PATJ: variants seen among roughly 807,000 people sequenced by gnomAD.
The protein encoded by PATJ is inaD-like protein.
Under a neutral mutation model 224.9 loss-of-function variants are expected in PATJ, and 190 were observed. That is an observed-to-expected ratio of 0.84 (90% confidence interval 0.75 to 0.95). PATJ has a LOEUF of 0.95. Ranked by LOEUF, PATJ falls within the 40% of genes least tolerant of loss-of-function variation. The pLI, the probability that PATJ is intolerant of heterozygous loss-of-function variation, is 0.00. For synonymous variants in PATJ, 769 were observed against 820.3 expected, an observed-to-expected ratio of 0.94 and a Z score of 1.07; for missense variants, 2,121 against 2,270.3, an observed-to-expected ratio of 0.93 and a Z score of 1.34.
intron 27 of PATJ, among the ~76,000 whole-genome samples, chr1:61,929,863 A>G (rs1675765772): frequency 1.3e-5 from 2 of 152,134 alleles, no homozygotes; most frequent in African/African-American, 4.8e-5. Flanking sequence ...CTTAAAAAAA[A>G]GAAAAGAAAT....
At chr1:61,791,564 T>C (rs552262069) in intron 9 of PATJ, 117 bp downstream of exon 9, 9 of 594,954 alleles carry the variant, frequency 1.5e-5, no homozygotes, top group African/African-American at 1.5e-4. Context: ...AAACCATGAG[T>C]CTATACTAGC....
chr1:62,150,978 A>G (rs1315323775), intron 42 of PATJ, among the ~76,000 whole-genome samples: 1 of 152,008 alleles, frequency 6.6e-6, no homozygotes, highest in Non-Finnish European at 1.5e-5. Flanking sequence ...CATCTCTACT[A>G]AAAATACAAA....
In PATJ at chr1:61,801,658, T is replaced by C. The variant is rs1424229506; in HGVS notation, c.1438T>C (p.Phe480Leu). ...AGAACCACTGAAACCACCAGCTCTC[T>C]TTCTAACTGGAGCAGTGGAAACTGA... is the stretch of plus-strand genomic sequence containing the variant. ...VVEPLKPPAL[F>L]LTGAVETETN... Residue 480 changes from phenylalanine to leucine, a missense_variant, in exon 12 of 44, where the codon TTT becomes CTT. By Grantham distance (22) the Phe-to-Leu change is conservative. Transcript: ENST00000642238. The C allele has an allele frequency of 3.8e-6, 6 of 1,599,106 alleles. No individual in the cohort carries two copies. The highest frequency in any genetic ancestry group is 5.1e-6 in the Non-Finnish European group (6 of 1,170,898).
At chr1:61,999,841 T>C (rs12732712) in intron 28 of PATJ, among the ~76,000 whole-genome samples, 22,198 of 152,090 alleles carry the variant, frequency 0.15, 1,986 homozygotes, top group Non-Finnish European at 0.21. Flanking sequence ...AAGAAAGTAG[T>C]AGTGTGCTGA....
chr1:62,019,046 G>A (rs544822684), intron 29 of PATJ, among the ~76,000 whole-genome samples: 8 of 152,112 alleles, frequency 5.3e-5, no homozygotes, highest in African/African-American at 1.7e-4. Context: ...AGTTTGAGAC[G>A]AGCCTGGCCA....
intron 31 of PATJ, among the ~76,000 whole-genome samples, chr1:62,076,847 A>G (rs1022828958): frequency 3.3e-5 from 5 of 152,262 alleles, no homozygotes; most frequent in African/African-American, 1.2e-4. Context: ...TCTTGAGGTG[A>G]TATAAAATGT....
At position 61,960,651 on chromosome 1, in the gene PATJ, G is replaced by A. The variant is rs571459481; in HGVS notation, c.3671-29517G>A. Among the ~76,000 whole-genome samples the A allele has an allele frequency of 1.1e-4, 16 of 139,372 alleles. No homozygotes were observed. The East Asian group carries it at 2.9e-3, about 26-fold the overall frequency. 91.4% of individuals were successfully genotyped at this position (139,372 alleles called of 152,430 possible). A position where few individuals can be genotyped will look rare whatever the true frequency, so the allele number is the denominator to read the frequency against. On this transcript the variant is annotated intron_variant, in intron 27 of 43. Coordinates refer to ENST00000642238, the MANE Select transcript of PATJ (RefSeq NM_001350145.3). ...GTACTCCAGCCTGGGCAACAAAAGC[G>A]AAACTCCATCTCAAAAAAAAAAAAA...
intron 33 of PATJ, among the ~76,000 whole-genome samples, chr1:62,090,268 T>A (rs976133608): frequency 1.3e-5 from 2 of 152,212 alleles, no homozygotes; most frequent in African/African-American, 4.8e-5. Flanking sequence ...GTGATGTTGC[T>A]CCCAGGCTTG....
chr1:61,936,079 A>G (rs1312855144), intron 27 of PATJ, among the ~76,000 whole-genome samples: 1 of 152,090 alleles, frequency 6.6e-6, no homozygotes, highest in Non-Finnish European at 1.5e-5. Flanking sequence ...TTCAGTGGCT[A>G]TCAATTCAGT....
intron 28 of PATJ, among the ~76,000 whole-genome samples, chr1:61,999,257 G>A (rs998792901): frequency 1.3e-5 from 2 of 152,124 alleles, no homozygotes; most frequent in Non-Finnish European, 2.9e-5. Flanking sequence ...TTTGTCCAGC[G>A]CTTTCCCAAC....
At chr1:61,991,932 C>T (rs926370924) in intron 28 of PATJ, among the ~76,000 whole-genome samples, 4 of 152,098 alleles carry the variant, frequency 2.6e-5, no homozygotes, top group African/African-American at 7.2e-5. Flanking sequence ...TATTTGTATT[C>T]GGTATTCTTA....
chr1:61,834,410 G>C (rs1027504918), intron 17 of PATJ, among the ~76,000 whole-genome samples: 1 of 152,122 alleles, frequency 6.6e-6, no homozygotes, highest in African/African-American at 2.4e-5. Context: ...ATTATAACTA[G>C]GGTAAAGTTA....
intron 4 of PATJ, among the ~76,000 whole-genome samples, chr1:61,767,049 C>T (rs1174128485): frequency 2.6e-5 from 4 of 151,930 alleles, no homozygotes; most frequent in African/African-American, 7.3e-5. Context: ...GCCGAGATTG[C>T]GCCACTGTAC....
rs74076564 is a variant in PATJ, at chr1:62,144,381, T to C, written c.5272-3903T>C. Among the ~76,000 whole-genome samples the C allele has an allele frequency of 3.0e-3, 455 of 152,314 alleles. 1 individual carries two copies. The highest frequency in any genetic ancestry group is 0.01 in the African/African-American group (431 of 41,582). On this transcript the variant is annotated intron_variant, in intron 41 of 43. Transcript: ENST00000642238. Reference sequence around the variant, plus strand: ...GCCTATTTTCTTTCTTTTTCTGCTCTACTTAACAGATGAAGCTTAATTTAG... The same window carrying C: ...GCCTATTTTCTTTCTTTTTCTGCTCCACTTAACAGATGAAGCTTAATTTAG...
chr1:61,827,246 A>G (rs1354898811), intron 15 of PATJ, among the ~76,000 whole-genome samples, 176 bp from the exon 16 acceptor site: 1 of 152,194 alleles, frequency 6.6e-6, no homozygotes, highest in African/African-American at 2.4e-5. Flanking sequence ...AGGATTTCTA[A>G]CATTTTTATT....
intron 41 of PATJ, among the ~76,000 whole-genome samples, chr1:62,135,289 G>C (rs534797376): frequency 6.4e-4 from 98 of 152,150 alleles, no homozygotes; most frequent in African/African-American, 2.3e-3. Flanking sequence ...GGCCGAGGTG[G>C]GGGGGATCGC....
chr1:62,063,384 A>G (rs1031744237), intron 31 of PATJ, among the ~76,000 whole-genome samples: 7 of 152,098 alleles, frequency 4.6e-5, no homozygotes, highest in African/African-American at 1.7e-4. Context: ...TTGTGCCAGT[A>G]CCATGCTGTT....
intron 30 of PATJ, among the ~76,000 whole-genome samples, chr1:62,047,161 C>G (rs1336478616): frequency 1.3e-5 from 2 of 152,238 alleles, no homozygotes. Flanking sequence ...GTGAGAATCT[C>G]TCTCTTCTGG....
intron 41 of PATJ, among the ~76,000 whole-genome samples, chr1:62,147,329 G>A (rs183013822): frequency 5.3e-5 from 8 of 152,284 alleles, no homozygotes; most frequent in Admixed American, 3.9e-4. Flanking sequence ...CTAGTGAATT[G>A]TGGTGTCATG....
Sources: allele counts gnomAD v4.1 joint callset (sites outside exome capture counted in the v4.1 genomes callset), GRCh38; gene constraint gnomAD v4.1.1; transcripts MANE v1.5; gene names NCBI Gene and HGNC (gene_info 2026-07-23, HGNC 2026-07-21).